Variants in IL1RAPL2 observed in about 807,000 individuals in gnomAD.
IL1RAPL2 encodes interleukin 1 receptor accessory protein like 2.
IL1RAPL2 carries 3 observed loss-of-function variants against 44.1 expected under a neutral mutation model. The ratio of observed to expected loss-of-function variants is 0.07; its 90% CI spans 0.03 to 0.18. The LOEUF is 0.18. Ranked by LOEUF, IL1RAPL2 falls within the 10% of genes least tolerant of loss-of-function variation. The pLI is 1.00. For missense variants in IL1RAPL2, 391 were observed against 496.4 expected (o/e 0.79, Z 2.02); for synonymous variants, 181 against 178.8 (o/e 1.01, Z -0.10).
In IL1RAPL2 at chrX:105,012,196, A is replaced by C. The variant is rs767810575; in HGVS notation, c.83-183279A>C. On this transcript the variant is annotated intron_variant, in intron 2 of 10. Coordinates refer to ENST00000372582, the MANE Select transcript of IL1RAPL2 (RefSeq NM_017416.2). ...TGCCTCAGAAAGGCAAAGATTTACC[A>C]GTGATTAATACAGGGTATAAATAAT... Among the ~76,000 whole-genome samples the C allele has an allele frequency of 1.3e-3, 141 of 111,343 alleles. 2 individuals are homozygous for C. The highest frequency in any genetic ancestry group is 4.4e-3 in the African/African-American group (135 of 30,690).
chrX:105,590,607 T>G (rs1050443321), intron 6 of IL1RAPL2, among the ~76,000 whole-genome samples: 2 of 111,618 alleles, frequency 1.8e-5, no homozygotes, highest in African/African-American at 6.5e-5. Flanking sequence ...CTGCATCTAT[T>G]GAGATGACCA....
chrX:104,647,515 C>T, intron 1 of IL1RAPL2: 1 of 533,682 alleles, frequency 1.9e-6, no homozygotes, highest in Non-Finnish European at 3.4e-6. Context: ...CCAGGATGAG[C>T]CCAAAGGTGG....
chrX:105,279,026 G>C (rs2034507889), intron 5 of IL1RAPL2, among the ~76,000 whole-genome samples: 1 of 111,455 alleles, frequency 9.0e-6, no homozygotes, highest in Admixed American at 9.6e-5. Context: ...TTTTGCAAAA[G>C]TTTTCACCAC....
At chrX:104,949,454 C>T (rs1394807717) in intron 2 of IL1RAPL2, among the ~76,000 whole-genome samples, 1 of 103,050 alleles carries the variant, frequency 9.7e-6, no homozygotes, top group Non-Finnish European at 2.0e-5. Flanking sequence ...TTCTTGCCTT[C>T]TGCTAGCTTT....
At chrX:105,268,985 T>G (rs772645243) in intron 5 of IL1RAPL2, among the ~76,000 whole-genome samples, 1 of 110,900 alleles carries the variant, frequency 9.0e-6, no homozygotes, top group East Asian at 2.8e-4. Context: ...TGTTTGTATG[T>G]ATACACATAC....
At chrX:105,398,128 G>A (rs1363986165) in intron 5 of IL1RAPL2, among the ~76,000 whole-genome samples, 1 of 111,441 alleles carries the variant, frequency 9.0e-6, no homozygotes, top group African/African-American at 3.3e-5. Context: ...ACATGCTGCA[G>A]ACACTTGATA....
chrX:105,023,746 C>A (rs898712121), intron 2 of IL1RAPL2, among the ~76,000 whole-genome samples: 13 of 110,471 alleles, frequency 1.2e-4, no homozygotes, highest in African/African-American at 4.3e-4. Flanking sequence ...TTAATTGCTC[C>A]AAATAGTCAA....
chrX:105,616,212 C>G (rs1452833216), intron 6 of IL1RAPL2, among the ~76,000 whole-genome samples: 2 of 111,655 alleles, frequency 1.8e-5, no homozygotes, highest in African/African-American at 6.5e-5. Context: ...AAATAATATG[C>G]ATGAGCAAGA....
intron 6 of IL1RAPL2, among the ~76,000 whole-genome samples, chrX:105,608,031 A>C (rs1410152367): frequency 9.0e-6 from 1 of 111,294 alleles, no homozygotes; most frequent in Admixed American, 9.6e-5. Flanking sequence ...TAGTCAGAAG[A>C]AGCTTTATAA....
intron 5 of IL1RAPL2, among the ~76,000 whole-genome samples, chrX:105,322,238 C>G (rs773770877): frequency 3.6e-5 from 4 of 112,598 alleles, no homozygotes; most frequent in Non-Finnish European, 7.5e-5. Context: ...GTCTGGTGAT[C>G]CATATAAACT....
At chrX:105,067,782 C>T (rs891915422) in intron 2 of IL1RAPL2, among the ~76,000 whole-genome samples, 2 of 111,755 alleles carry the variant, frequency 1.8e-5, no homozygotes, top group African/African-American at 6.5e-5. Flanking sequence ...GACACACACG[C>T]GTGCACACAC....
chrX:104,798,602 C>T (rs1298699034), intron 2 of IL1RAPL2, among the ~76,000 whole-genome samples: 5 of 111,266 alleles, frequency 4.5e-5, no homozygotes, highest in Non-Finnish European at 7.5e-5. Flanking sequence ...GGAGGCGGAG[C>T]TTGCAGTGAG....
intron 1 of IL1RAPL2, among the ~76,000 whole-genome samples, chrX:104,629,811 GC>G: frequency 9.0e-6 from 1 of 111,609 alleles, no homozygotes; most frequent in Middle Eastern, 4.6e-3. Flanking sequence ...TGTTCTTAGA[GC>G]CTTTATTGAC....
At chrX:104,820,636 C>T (rs763714911) in intron 2 of IL1RAPL2, among the ~76,000 whole-genome samples, 19 of 111,475 alleles carry the variant, frequency 1.7e-4, no homozygotes, top group South Asian at 3.7e-4. Flanking sequence ...ATAGCAGTTG[C>T]GGTAGAATAA....
chrX:104,756,993 G>A (rs1217053586), intron 2 of IL1RAPL2, among the ~76,000 whole-genome samples: 2 of 110,453 alleles, frequency 1.8e-5, no homozygotes, highest in African/African-American at 6.6e-5. Context: ...CGGGTAACTG[G>A]GTAGGTCCTG....
chrX:105,612,839 A>T (rs1010955324), intron 6 of IL1RAPL2, among the ~76,000 whole-genome samples: 18 of 112,033 alleles, frequency 1.6e-4, no homozygotes, highest in African/African-American at 5.5e-4. Context: ...CAGTGGTTAG[A>T]ACTTGAGCTT....
chrX:105,440,213 A>G (rs1310178639), intron 5 of IL1RAPL2, among the ~76,000 whole-genome samples: 1 of 112,140 alleles, frequency 8.9e-6, no homozygotes, highest in East Asian at 2.8e-4. Context: ...TGATCTGCTC[A>G]ACAATGTTTT....
At chrX:105,076,728 A>T (rs1395526039) in intron 2 of IL1RAPL2, among the ~76,000 whole-genome samples, 80 of 111,455 alleles carry the variant, frequency 7.2e-4, no homozygotes, top group Non-Finnish European at 1.2e-3. Flanking sequence ...TGGGTGCTCC[A>T]GTATTGGGTG....
chrX:104,966,132 A>C (rs73635169), intron 2 of IL1RAPL2, among the ~76,000 whole-genome samples: 2,650 of 111,104 alleles, frequency 0.024, 84 homozygotes, highest in African/African-American at 0.082. Flanking sequence ...AGCAAGAAAG[A>C]ATATAAATTT....
Sources: gnomAD v4.1 joint callset for allele counts (sites outside exome capture counted in the v4.1 genomes callset) on GRCh38, gnomAD v4.1.1 for gene constraint, MANE v1.5 for transcripts, NCBI Gene and HGNC (gene_info 2026-07-23, HGNC 2026-07-21) for gene names.